Variants in ANKS1B observed in about 807,000 individuals in gnomAD.
ANKS1B encodes ankyrin repeat and sterile alpha motif domain containing 1B.
A neutral mutation model predicts 148.3 loss-of-function variants in ANKS1B; 36 were observed. That is an observed-to-expected ratio of 0.24 (90% CI 0.19 to 0.32). ANKS1B has a LOEUF of 0.32. Ranked by LOEUF, ANKS1B falls within the 10% of genes least tolerant of loss-of-function variation. The pLI is 1.00. For missense variants in ANKS1B, 1,157 were observed against 1,542.6 expected (o/e 0.75, Z 4.19); for synonymous variants, 542 against 560.8 (o/e 0.97, Z 0.47).
chr12:99,644,509 G>A (rs761981023), intron 9 of ANKS1B, among the ~76,000 whole-genome samples: 3 of 152,006 alleles, frequency 2.0e-5, no homozygotes, highest in South Asian at 2.1e-4. Flanking sequence ...CCTTATTAGC[G>A]GCATCTTTAA....
intron 15 of ANKS1B, among the ~76,000 whole-genome samples, chr12:99,087,343 A>G (rs1427936762): frequency 6.6e-6 from 1 of 152,218 alleles, no homozygotes; most frequent in African/African-American, 2.4e-5. Flanking sequence ...CACTGGACAA[A>G]AGCATTCCAC....
At chr12:99,664,714 C>T (rs1489013591) in intron 8 of ANKS1B, among the ~76,000 whole-genome samples, 1 of 152,168 alleles carries the variant, frequency 6.6e-6, no homozygotes, top group Non-Finnish European at 1.5e-5. Context: ...ATCAATATTT[C>T]CCTACTGGTA....
intron 8 of ANKS1B, among the ~76,000 whole-genome samples, chr12:99,769,526 A>G (rs1358992603): frequency 6.6e-6 from 1 of 152,206 alleles, no homozygotes; most frequent in Admixed American, 6.5e-5. Context: ...ATTTATTCTC[A>G]GGATCAATTT....
intron 7 of ANKS1B, among the ~76,000 whole-genome samples, chr12:99,774,595 AG>A (rs1323351312): frequency 6.6e-6 from 1 of 152,164 alleles, no homozygotes; most frequent in African/African-American, 2.4e-5. Flanking sequence ...AATTAAAAAT[AG>A]AATTACCATA....
intron 17 of ANKS1B, among the ~76,000 whole-genome samples, chr12:98,892,677 T>C (rs1031214591): frequency 1.3e-5 from 2 of 152,266 alleles, no homozygotes; most frequent in Non-Finnish European, 2.9e-5. Context: ...AGTGCACTTA[T>C]GCAGTTTTAT....
At chr12:99,301,528 T>G in intron 12 of ANKS1B, among the ~76,000 whole-genome samples, 1 of 152,304 alleles carries the variant, frequency 6.6e-6, no homozygotes, top group Non-Finnish European at 1.5e-5. Context: ...GGGAAAAATC[T>G]GTGATCAAAA....
At chr12:98,879,205 G>A (rs997204391) in intron 17 of ANKS1B, among the ~76,000 whole-genome samples, 3 of 152,166 alleles carry the variant, frequency 2.0e-5, no homozygotes, top group Admixed American at 6.5e-5. Flanking sequence ...AATAAGTACA[G>A]GAAACTTCAT....
intron 1 of ANKS1B, among the ~76,000 whole-genome samples, chr12:99,864,977 T>C (rs2090538251): frequency 6.6e-6 from 1 of 152,228 alleles, no homozygotes; most frequent in Admixed American, 6.5e-5. Context: ...AGTTTATGCC[T>C]CGTAACGTTT....
chr12:99,026,413 T>C (rs2099948789), intron 17 of ANKS1B, among the ~76,000 whole-genome samples: 1 of 152,088 alleles, frequency 6.6e-6, no homozygotes, highest in Admixed American at 6.6e-5. Context: ...CTGTTCCAAC[T>C]CCCTATAGGA....
chr12:99,564,286 G>C (rs542469112), intron 9 of ANKS1B, among the ~76,000 whole-genome samples: 1 of 151,722 alleles, frequency 6.6e-6, no homozygotes, highest in African/African-American at 2.4e-5. Flanking sequence ...TAGCAGAACA[G>C]GTATATAATT....
chr12:99,039,667 AGTTT>A (rs376828296), intron 17 of ANKS1B, among the ~76,000 whole-genome samples: 1,865 of 152,144 alleles, frequency 0.012, 46 homozygotes, highest in Admixed American at 0.061. Context: ...GCTCCTCTGC[AGTTT>A]GTTTGTTTGT....
intron 1 of ANKS1B, among the ~76,000 whole-genome samples, chr12:99,916,787 T>C (rs2153792383): frequency 6.6e-6 from 1 of 152,330 alleles, no homozygotes; most frequent in Admixed American, 6.5e-5. Context: ...TGTCACACTA[T>C]AGCCCAAGGC....
chr12:99,264,221 C>T (rs1370204666), intron 12 of ANKS1B, among the ~76,000 whole-genome samples: 6 of 152,100 alleles, frequency 3.9e-5, no homozygotes, highest in Non-Finnish European at 8.8e-5. Context: ...CATAAACAAA[C>T]AATGAGAGTT....
intron 17 of ANKS1B, chr12:98,894,580 C>T (rs1049815743): frequency 3.0e-6 from 3 of 985,434 alleles, no homozygotes; most frequent in Non-Finnish European, 3.6e-6. Flanking sequence ...GGAGCCACGT[C>T]TCGGCGAGCG....
intron 17 of ANKS1B, among the ~76,000 whole-genome samples, chr12:98,905,919 T>A (rs1397258105): frequency 2.0e-5 from 3 of 152,174 alleles, no homozygotes; most frequent in Non-Finnish European, 4.4e-5. Context: ...GGATAAGGTC[T>A]ATGGTGCAGT....
rs765335986 is a variant in ANKS1B, at chr12:99,648,830, G to A, written c.1272+6237C>T. On this transcript the variant is annotated intron_variant, in intron 9 of 26. Coordinates refer to ENST00000683438, the MANE Select transcript of ANKS1B (RefSeq NM_001352186.2). Reference sequence around the variant, plus strand: ...GACTAGATGGGGCCTGGATGCTTTGGGGGAGAGCAGGTACAGGTCCTGTAA... The same window carrying A: ...GACTAGATGGGGCCTGGATGCTTTGAGGGAGAGCAGGTACAGGTCCTGTAA... 1.9e-6 allele frequency: 3 copies of A among 1,569,028 alleles called. No individual in the cohort carries two copies. The East Asian group carries it at 6.8e-5, about 36-fold the overall frequency.
intron 12 of ANKS1B, among the ~76,000 whole-genome samples, chr12:99,323,695 C>T (rs2152199360): frequency 1.3e-5 from 2 of 152,184 alleles, no homozygotes; most frequent in Middle Eastern, 3.4e-3. Context: ...TGAAACTAAG[C>T]AAATTCAATG....
chr12:99,610,297 G>A (rs1394083914), intron 9 of ANKS1B, among the ~76,000 whole-genome samples: 3 of 152,022 alleles, frequency 2.0e-5, no homozygotes, highest in Non-Finnish European at 4.4e-5. Context: ...AGACTGAGTA[G>A]GGAAATGCAG....
chr12:99,168,335 A>G (rs1312771402), intron 14 of ANKS1B, among the ~76,000 whole-genome samples: 2 of 152,018 alleles, frequency 1.3e-5, no homozygotes, highest in African/African-American at 4.8e-5. Flanking sequence ...TGGCCAACAC[A>G]GTGAAACCCC....
Sources: gnomAD v4.1 joint callset for allele counts (sites outside exome capture counted in the v4.1 genomes callset) on GRCh38, gnomAD v4.1.1 for gene constraint, MANE v1.5 for transcripts, NCBI Gene and HGNC (gene_info 2026-07-23, HGNC 2026-07-21) for gene names.